POFUT1: variants seen among roughly 807,000 people sequenced by gnomAD.
The protein encoded by POFUT1 is GDP-fucose protein O-fucosyltransferase 1.
Under a neutral mutation model 42.4 loss-of-function variants are expected in POFUT1, and 16 were observed. That is an observed-to-expected ratio of 0.38 (90% confidence interval 0.26 to 0.57). The LOEUF (loss-of-function observed/expected upper bound fraction) is 0.57. Ranked by LOEUF, POFUT1 falls within the 20% of genes least tolerant of loss-of-function variation. The probability of loss-of-function intolerance (pLI) is 0.71; values close to 1 mark genes in which losing one functional copy is unlikely to be tolerated. For missense variants in POFUT1, 470 were observed against 504.6 expected (o/e 0.93, Z 0.66); for synonymous variants, 206 against 205.4 (o/e 1.00, Z -0.03).
intron 6 of POFUT1, among the ~76,000 whole-genome samples, chr20:32,233,471 C>T (rs777137875): frequency 1.3e-5 from 2 of 152,094 alleles, no homozygotes; most frequent in South Asian, 2.1e-4. Context: ...TTGTAGGCCA[C>T]GTTCACAATT....
intron 4 of POFUT1, among the ~76,000 whole-genome samples, chr20:32,219,379 A>G (rs1415846105): frequency 6.6e-6 from 1 of 152,196 alleles, no homozygotes; most frequent in Non-Finnish European, 1.5e-5. Context: ...TGAGGCAGGA[A>G]TAAGCTTGGT....
chr20:32,216,952 G>A, intron 4 of POFUT1: 1 of 1,606,572 alleles, frequency 6.2e-7, no homozygotes, highest in Non-Finnish European at 8.5e-7. Context: ...CGGTTGATAA[G>A]GGATGTCATA....
rs78443180 is a variant in POFUT1, at chr20:32,237,894, T to C, written c.*3233T>C. 4,026 of 520,582 alleles carry C rather than the reference T, an allele frequency of 7.7e-3. 152 individuals are homozygous for C. The highest frequency in any genetic ancestry group is 0.072 in the African/African-American group (3,700 of 51,576). The allele number at this position is 520,582 out of a possible 1,614,324, so 32.2% of individuals were successfully genotyped here. On this transcript the variant is annotated 3_prime_UTR_variant, in exon 7 of 7. Coordinates refer to ENST00000375749, the MANE Select transcript of POFUT1 (RefSeq NM_015352.2). Reference sequence around the variant, plus strand: ...TTGAAGGAGGTGGGAAATGATTAGATTCTGAACATATGTAATTATTTTTCA... The same window carrying C: ...TTGAAGGAGGTGGGAAATGATTAGACTCTGAACATATGTAATTATTTTTCA...
At chr20:32,229,725 G>T (rs867557942) in intron 5 of POFUT1, among the ~76,000 whole-genome samples, 1 of 152,078 alleles carries the variant, frequency 6.6e-6, no homozygotes, top group Admixed American at 6.5e-5. Context: ...CAGGCTTTCT[G>T]TGCTGTGCCC....
rs577478734 is a variant in POFUT1 at position 32,213,756 on chromosome 20, G to A, written c.247-1513G>A. ...ATTGCACTCCAGCCTGGGTGACAGG[G>A]TGAGACTCCATCTCAAAAAAAAAGA... On this transcript the variant is annotated intron_variant, in intron 2 of 6. Coordinates refer to ENST00000375749, the MANE Select transcript of POFUT1 (RefSeq NM_015352.2). Among the ~76,000 whole-genome samples the A allele has an allele frequency of 8.5e-5, 13 of 152,218 alleles. No homozygotes were observed. The South Asian group carries it at 2.7e-3, about 32-fold the overall frequency.
chr20:32,217,411 C>T (rs1600387572), intron 4 of POFUT1: 1 of 1,037,014 alleles, frequency 9.6e-7, no homozygotes, highest in Non-Finnish European at 1.2e-6. Flanking sequence ...AGGGAACATA[C>T]TAATTCATGT....
chr20:32,223,709 C>T (rs2047401305), intron 4 of POFUT1: 18 of 984,576 alleles, frequency 1.8e-5, no homozygotes, highest in Non-Finnish European at 2.2e-5. Flanking sequence ...GTCCCCAAAT[C>T]TTTCTCATTT....
rs760964890 is a variant in POFUT1, at chr20:32,230,945, A to C, written c.862A>C (p.Lys288Gln). The change falls in exon 6 of 7, where the codon AAG becomes CAG. Residue 288 changes from lysine to glutamine, a missense_variant. By Grantham distance (53) the Lys-to-Gln change is moderately conservative. Transcript: ENST00000375749. ...LTMTMCLPDL[K>Q]EIQRAVKLWV... The stretch of plus-strand genomic sequence containing the variant: ...GATGACTATGTGCCTGCCTGACCTG[A>C]AGGAGATCCAGAGGGCTGTGAAGCT... 3.4e-5 allele frequency: 55 copies of C among 1,614,036 alleles called. No homozygotes were observed. Among genetic ancestry groups the C allele is most frequent in the Non-Finnish European group, 4.2e-5 (49 of 1,180,018 alleles).
intron 4 of POFUT1, chr20:32,217,175 G>A (rs2047366574): frequency 6.7e-7 from 1 of 1,482,884 alleles, no homozygotes; most frequent in Non-Finnish European, 8.9e-7. Flanking sequence ...ATATAGGTTA[G>A]CAGGACGTGG....
rs1206272926 is a variant in POFUT1 at position 32,234,754 on chromosome 20, A to G, written c.*93A>G. ...GCCTGGCAGCCAGAGGTGCTCCGGG[A>G]TTGCAAACTCCTCTTCTCACCTGCC... On this transcript the variant is annotated 3_prime_UTR_variant, in exon 7 of 7. Transcript: ENST00000375749. The G allele has an allele frequency of 7.9e-6, 9 of 1,138,544 alleles. No individual in the cohort carries two copies. Among genetic ancestry groups the G allele is most frequent in the Non-Finnish European group, 1.1e-5 (9 of 803,760 alleles). 70.5% of individuals were successfully genotyped at this position (1,138,544 alleles called of 1,614,324 possible). A position where few individuals can be genotyped will look rare whatever the true frequency, so the allele number is the denominator to read the frequency against.
chr20:32,212,904 G>C (rs1396196481), intron 2 of POFUT1, among the ~76,000 whole-genome samples: 1 of 147,652 alleles, frequency 6.8e-6, no homozygotes, highest in African/African-American at 2.5e-5. Flanking sequence ...TTTTTTCCAA[G>C]ACGGAGTTTT....
intron 6 of POFUT1, among the ~76,000 whole-genome samples, chr20:32,232,136 G>T (rs180707790): frequency 6.6e-6 from 1 of 152,234 alleles, no homozygotes; most frequent in East Asian, 1.9e-4. Flanking sequence ...CAGAGAGGAA[G>T]TGCTAAGTCA....
intron 6 of POFUT1, among the ~76,000 whole-genome samples, chr20:32,232,443 A>G (rs2047448193): frequency 6.6e-6 from 1 of 152,150 alleles, no homozygotes; most frequent in Non-Finnish European, 1.5e-5. Context: ...CCAAGAAAGG[A>G]TAGAGTTTAC....
rs986493339 is a variant in POFUT1 at position 32,223,327 on chromosome 20, C to T, written c.543-4936C>T. On this transcript the variant is annotated intron_variant, in intron 4 of 6. Transcript: ENST00000375749. ...CTTTCCAGACAGCGCTGTCTTACCT[C>T]ACCAAAAGTAAGTGAGCAGATCAGC... is the stretch of plus-strand genomic sequence containing the variant. 9.2e-5 allele frequency: 91 copies of T among 985,414 alleles called. No individual in the cohort carries two copies. The African/African-American group carries it at 1.5e-3, about 16-fold the overall frequency. The allele number at this position is 985,414 out of a possible 1,614,324, so 61.0% of individuals were successfully genotyped here.
intron 4 of POFUT1, chr20:32,223,213 C>T: frequency 1.0e-6 from 1 of 985,460 alleles, no homozygotes; most frequent in Non-Finnish European, 1.2e-6. Context: ...TAGCAAGAGG[C>T]AAAGGGCCTG....
intron 5 of POFUT1, among the ~76,000 whole-genome samples, chr20:32,230,386 CAA>C (rs71185388): frequency 1.5e-3 from 152 of 104,376 alleles, no homozygotes; most frequent in African/African-American, 3.3e-3. Flanking sequence ...GACTCCCTCT[CAA>C]AAAAAAAAAA....
In POFUT1 at chr20:32,237,986, G is replaced by A. The variant is rs1055336430; in HGVS notation, c.*3325G>A. The A allele has an allele frequency of 1.6e-5, 6 of 376,892 alleles. No homozygotes were observed. The East Asian group carries it at 4.4e-4, about 27-fold the overall frequency. 23.3% of individuals were successfully genotyped at this position (376,892 alleles called of 1,614,324 possible). A position where few individuals can be genotyped will look rare whatever the true frequency, so the allele number is the denominator to read the frequency against. ...GTAATATATACAATTTAATGTCCTA[G>A]TGTTTTACTTAATAGTGTATCATGT... is the stretch of plus-strand genomic sequence containing the variant. On this transcript the variant is annotated 3_prime_UTR_variant, in exon 7 of 7. Transcript: ENST00000375749.
Position 32,210,213 on chromosome 20 carries a change from T to G in POFUT1, c.246+21T>G, listed in dbSNP as rs73903578. The G allele has an allele frequency of 2.7e-3, 4,326 of 1,613,948 alleles. 98 individuals carry two copies. The African/African-American group carries it at 0.049, about 18-fold the overall frequency. On this transcript the variant is annotated intron_variant, in intron 2 of 6. Coordinates refer to ENST00000375749, the MANE Select transcript of POFUT1 (RefSeq NM_015352.2). ...CCAACGTGAGTACTTCCCACTGACC[T>G]TGGCCTTTCTCCGCCCTTTCTCAGT...
At chr20:32,232,944 G>A (rs1252294273) in intron 6 of POFUT1, among the ~76,000 whole-genome samples, 1 of 152,110 alleles carries the variant, frequency 6.6e-6, no homozygotes, top group East Asian at 1.9e-4. Context: ...ATGTGGTCCC[G>A]CTCTCCAGGG....
Sources: allele counts gnomAD v4.1 joint callset (sites outside exome capture counted in the v4.1 genomes callset), GRCh38; gene constraint gnomAD v4.1.1; transcripts MANE v1.5; gene names NCBI Gene and HGNC (gene_info 2026-07-23, HGNC 2026-07-21).